ADGRG4: variants seen among roughly 807,000 people sequenced by gnomAD.
The protein encoded by ADGRG4 is adhesion G protein-coupled receptor G4, also known as G protein-coupled receptor 112.
ADGRG4 carries 122 observed loss-of-function variants against 126.2 expected under a neutral mutation model. The ratio of observed to expected loss-of-function variants is 0.97; its 90% CI spans 0.83 to 1.12. ADGRG4 has a LOEUF of 1.12. Among genes scored for constraint, ADGRG4 ranks in the 50% most tolerant of loss-of-function variants. The probability of loss-of-function intolerance (pLI) is 0.00; values close to 1 mark genes in which losing one functional copy is unlikely to be tolerated. For synonymous variants in ADGRG4, 943 were observed against 838.7 expected, an observed-to-expected ratio of 1.12 and a Z score of -2.15; for missense variants, 2,481 against 2,251.8, an observed-to-expected ratio of 1.10 and a Z score of -2.06.
intron 5 of ADGRG4, among the ~76,000 whole-genome samples, chrX:136,342,789 G>C (rs2074986315): frequency 9.1e-6 from 1 of 109,982 alleles, no homozygotes; most frequent in African/African-American, 3.3e-5. Context: ...GAGCTAGAGA[G>C]GGACCAAATC....
At chrX:136,342,817 C>T (rs2074986521) in intron 5 of ADGRG4, among the ~76,000 whole-genome samples, 1 of 105,961 alleles carries the variant, frequency 9.4e-6, no homozygotes, top group Non-Finnish European at 1.9e-5. Flanking sequence ...GCTTTATATG[C>T]TTTATTAAGA....
chrX:136,411,494 G>T (rs1399039608), intron 23 of ADGRG4, among the ~76,000 whole-genome samples: 1 of 112,978 alleles, frequency 8.9e-6, no homozygotes, highest in African/African-American at 3.2e-5. Context: ...GAAGTTGAGG[G>T]TCAAATCCAT....
chrX:136,337,876 T>C (rs564616132), intron 5 of ADGRG4, among the ~76,000 whole-genome samples: 2 of 112,031 alleles, frequency 1.8e-5, no homozygotes, highest in South Asian at 7.4e-4. Flanking sequence ...CCTTTATTTA[T>C]TTATTTTTTA....
chrX:136,346,023 G>C lies in ADGRG4; in HGVS notation c.2317G>C (p.Glu773Gln). 2 of 1,206,769 alleles carry C rather than the reference G, an allele frequency of 1.7e-6. No homozygotes were observed. Among genetic ancestry groups the C allele is most frequent in the Non-Finnish European group, 2.2e-6 (2 of 892,098 alleles). Residue 773 changes from glutamate (E) to glutamine (Q), a missense_variant, in exon 6 of 26, where the codon GAA (glutamate) becomes CAA (glutamine). Physicochemically the swap from Glu to Gln is conservative, Grantham distance 29. Transcript: ENST00000394143. ...TIPMSTKPAN[E>Q]LPLTPRETVV... The stretch of plus-strand genomic sequence containing the variant: ...ACCTATGTCTACAAAACCTGCAAAT[G>C]AACTTCCTTTGACACCAAGGGAGAC...
intron 1 of ADGRG4, 36 bp downstream of exon 1, chrX:136,301,036 G>T (rs1334007721): frequency 1.8e-5 from 2 of 112,275 alleles, no homozygotes; most frequent in Non-Finnish European, 3.8e-5. Context: ...GAATAATGCT[G>T]CAATAAACAT....
chrX:136,357,638 G>C, intron 9 of ADGRG4, 66 bp from the exon 10 acceptor site: 1 of 751,040 alleles, frequency 1.3e-6, no homozygotes. Context: ...TTAACAATAA[G>C]CCCTGTACTC....
At chrX:136,360,373 C>T (rs976915879) in intron 11 of ADGRG4, among the ~76,000 whole-genome samples, 2 of 111,180 alleles carry the variant, frequency 1.8e-5, no homozygotes, top group African/African-American at 6.6e-5. Context: ...CATGTCACAT[C>T]TCCCTTCGTG....
At chrX:136,328,429 AT>A (rs752260877) in intron 5 of ADGRG4, among the ~76,000 whole-genome samples, 21 of 111,710 alleles carry the variant, frequency 1.9e-4, no homozygotes, top group Non-Finnish European at 1.3e-4. Context: ...AAACAAAGGA[AT>A]TTTTTTTGAC....
In ADGRG4 at chrX:136,323,191, C is replaced by T. The variant is rs1386528629; in HGVS notation, c.484C>T (p.His162Tyr). 1 of 1,209,527 alleles carries T rather than the reference C, an allele frequency of 8.3e-7. No individual in the cohort carries two copies. Among genetic ancestry groups the T allele is most frequent in the African/African-American group, 1.8e-5 (1 of 57,109 alleles). ...LTPHGTLFLG[H>Y]FLKNESSEVK... is the part of the protein sequence containing the mutation. ...ACCTCATGGGACTCTGTTCCTAGGG[C>T]ACTTTCTCAAGAATGAGAGCAGCGA... The change falls in exon 5 of 26, where the codon CAC (histidine) becomes TAC (tyrosine). Residue 162 changes from histidine (H) to tyrosine (Y), a missense_variant. Transcript: ENST00000394143.
In ADGRG4 at chrX:136,416,479, T is replaced by C; in HGVS notation, c.9231T>C (p.Cys3077=). Residue 3077 remains cysteine (C), a synonymous_variant, in exon 26 of 26, where the codon TGT becomes TGC. Coordinates refer to ENST00000394143, the MANE Select transcript of ADGRG4 (RefSeq NM_153834.4). Reference sequence around the variant, plus strand: ...ATGACTTTGACAAAGATCCTTACTGTTCCTCTCCTTGATTTGTGAAGTTGT... The same window carrying C: ...ATGACTTTGACAAAGATCCTTACTGCTCCTCTCCTTGATTTGTGAAGTTGT... The part of the protein sequence containing the change: ...PNDDFDKDPY[C]SSP 8.4e-7 allele frequency: 1 copy of C among 1,196,304 alleles called. No homozygotes were observed. Among genetic ancestry groups the C allele is most frequent in the Non-Finnish European group, 1.1e-6 (1 of 883,840 alleles).
At chrX:136,342,081 G>A (rs144906554) in intron 5 of ADGRG4, among the ~76,000 whole-genome samples, 112 of 111,577 alleles carry the variant, frequency 1.0e-3, no homozygotes, top group African/African-American at 3.4e-3. Context: ...ACTTATCCAC[G>A]TCTGAACTGG....
chrX:136,416,348 T>C, intron 25 of ADGRG4, 106 bp from the exon 26 acceptor site: 1 of 583,695 alleles, frequency 1.7e-6, no homozygotes, highest in Non-Finnish European at 2.8e-6. Flanking sequence ...CCTTCTCTTC[T>C]AATTGCTTTA....
At chrX:136,325,707 T>C (rs753010823) in intron 5 of ADGRG4, among the ~76,000 whole-genome samples, 1 of 97,998 alleles carries the variant, frequency 1.0e-5, no homozygotes, top group African/African-American at 3.7e-5. Flanking sequence ...TGCTCTTTTG[T>C]ACACTTTTTT....
intron 20 of ADGRG4, 87 bp downstream of exon 20, chrX:136,398,089 C>A (rs1356006304): frequency 5.8e-6 from 5 of 858,853 alleles, no homozygotes; most frequent in Non-Finnish European, 6.7e-6. Context: ...TTCATGAACA[C>A]ATCACAATAG....
intron 15 of ADGRG4, among the ~76,000 whole-genome samples, chrX:136,385,126 A>G (rs1158572427): frequency 9.0e-6 from 1 of 111,513 alleles, no homozygotes; most frequent in Admixed American, 9.5e-5. Context: ...TTCACTATCT[A>G]TTCTTCCAAA....
At chrX:136,333,004 G>A (rs2074923176) in intron 5 of ADGRG4, among the ~76,000 whole-genome samples, 1 of 111,227 alleles carries the variant, frequency 9.0e-6, no homozygotes, top group South Asian at 3.8e-4. Flanking sequence ...AAGCTCTTTA[G>A]TTTAATTAGA....
chrX:136,341,762 A>G (rs2074980447), intron 5 of ADGRG4, among the ~76,000 whole-genome samples: 3 of 112,015 alleles, frequency 2.7e-5, no homozygotes, highest in Admixed American at 9.5e-5. Context: ...GAAGATTGTC[A>G]TTCATTCTAC....
At chrX:136,378,486 G>T (rs983104620) in intron 15 of ADGRG4, among the ~76,000 whole-genome samples, 2 of 110,706 alleles carry the variant, frequency 1.8e-5, no homozygotes, top group Non-Finnish European at 3.8e-5. Flanking sequence ...ATTTCTTTTT[G>T]GGGGCCTATT....
chrX:136,407,528 T>G (rs933208322), intron 23 of ADGRG4, among the ~76,000 whole-genome samples: 2 of 111,374 alleles, frequency 1.8e-5, no homozygotes, highest in Non-Finnish European at 1.9e-5. Flanking sequence ...GAAGGCATGG[T>G]TTTTGCATTT....
Sources: gnomAD v4.1 joint callset for allele counts (sites outside exome capture counted in the v4.1 genomes callset) on GRCh38, gnomAD v4.1.1 for gene constraint, MANE v1.5 for transcripts, NCBI Gene and HGNC (gene_info 2026-07-23, HGNC 2026-07-21) for gene names.